Variants in MALRD1 observed in about 807,000 individuals in gnomAD.
MALRD1 encodes the protein MAM and LDL receptor class A domain containing 1, also known as MAM and LDL-receptor class A domain-containing protein 1.
Under a neutral mutation model 242.1 loss-of-function variants are expected in MALRD1, and 247 were observed. That is an observed-to-expected ratio of 1.02 (90% CI 0.92 to 1.13). The LOEUF is 1.13. MALRD1 is among the 50% of genes most tolerant of loss of function. MALRD1 has a pLI of 0.00. For synonymous variants in MALRD1, 995 were observed against 866.6 expected, an observed-to-expected ratio of 1.15 and a Z score of -2.60; for missense variants, 2,989 against 2,533.1, an observed-to-expected ratio of 1.18 and a Z score of -3.86.
chr10:19,546,866 A>T (rs1835229602), intron 32 of MALRD1, among the ~76,000 whole-genome samples: 1 of 152,140 alleles, frequency 6.6e-6, no homozygotes, highest in South Asian at 2.1e-4. Context: ...GAGTATAGGT[A>T]AGTGTGTGTT....
chr10:19,298,869 G>T (rs1841824846), intron 21 of MALRD1, among the ~76,000 whole-genome samples: 1 of 151,912 alleles, frequency 6.6e-6, no homozygotes, highest in Non-Finnish European at 1.5e-5. Flanking sequence ...TCTTCTTAGG[G>T]AGGAGATAAC....
intron 31 of MALRD1, among the ~76,000 whole-genome samples, chr10:19,518,551 C>G (rs1056808113): frequency 1.3e-5 from 2 of 152,064 alleles, no homozygotes; most frequent in African/African-American, 2.4e-5. Context: ...GATAACATCT[C>G]TATAATGACA....
intron 21 of MALRD1, among the ~76,000 whole-genome samples, chr10:19,302,799 A>G (rs1842009102): frequency 6.6e-6 from 1 of 151,580 alleles, no homozygotes; most frequent in Admixed American, 6.6e-5. Flanking sequence ...AAAAATAAAA[A>G]GGAGGTAAAT....
intron 28 of MALRD1, among the ~76,000 whole-genome samples, chr10:19,397,701 A>G (rs1424148339): frequency 6.6e-6 from 1 of 152,134 alleles, no homozygotes; most frequent in Non-Finnish European, 1.5e-5. Flanking sequence ...TAATCCCACT[A>G]ACAGTCTGCA....
At chr10:19,734,016 G>A in intron 39 of MALRD1, 141 bp from the exon 40 acceptor site, 2 of 618,376 alleles carry the variant, frequency 3.2e-6, no homozygotes, top group East Asian at 3.0e-5. Context: ...TGTAGGTGCT[G>A]GAAGAAGAGT....
In MALRD1 at chr10:19,209,370, T is replaced by C. The variant is rs1371823363; in HGVS notation, c.2681T>C (p.Leu894Pro). Residue 894 changes from leucine to proline, a missense_variant, in exon 18 of 40, where the codon CTT (leucine) becomes CCT (proline). Coordinates refer to ENST00000454679, the MANE Select transcript of MALRD1 (RefSeq NM_001142308.3). ...AGGAGCCAGGGTCCAACTCCAACAC[T>C]TAACACAGGGCCAATGAAAGATAAC... ...WTRSQGPTPT[L>P]NTGPMKDNTL... 11 of 1,550,812 alleles carry C rather than the reference T, an allele frequency of 7.1e-6. No homozygotes were observed. The Admixed American group carries it at 2.2e-4, about 30-fold the overall frequency.
chr10:19,054,900 C>T (rs1483012674), intron 1 of MALRD1, among the ~76,000 whole-genome samples: 1 of 152,158 alleles, frequency 6.6e-6, no homozygotes, highest in Non-Finnish European at 1.5e-5. Flanking sequence ...ATTTTCTCTT[C>T]TTCAGAAATA....
chr10:19,667,921 G>C (rs1044394544), intron 36 of MALRD1, among the ~76,000 whole-genome samples: 21 of 152,124 alleles, frequency 1.4e-4, no homozygotes, highest in Non-Finnish European at 2.9e-4. Context: ...GTTGCTGGCA[G>C]ATTCAGTGTC....
intron 36 of MALRD1, among the ~76,000 whole-genome samples, chr10:19,689,616 A>T (rs1210639866): frequency 6.6e-6 from 1 of 152,160 alleles, no homozygotes; most frequent in Non-Finnish European, 1.5e-5. Flanking sequence ...AAAGTCAACA[A>T]GATGAATATT....
intron 18 of MALRD1, among the ~76,000 whole-genome samples, chr10:19,217,961 T>C (rs1588712933): frequency 6.6e-6 from 1 of 152,176 alleles, no homozygotes; most frequent in Non-Finnish European, 1.5e-5. Flanking sequence ...TGAGTGGCTG[T>C]TTGACTGAAT....
At chr10:19,237,648 T>TA (rs1157061396) in intron 18 of MALRD1, among the ~76,000 whole-genome samples, 3 of 47,006 alleles carry the variant, frequency 6.4e-5, no homozygotes, top group African/African-American at 9.4e-5. Context: ...ATATAAATTA[T>TA]TATAATTATA....
chr10:19,378,985 A>T (rs1845724453), intron 26 of MALRD1, among the ~76,000 whole-genome samples: 1 of 152,178 alleles, frequency 6.6e-6, no homozygotes, highest in South Asian at 2.1e-4. Context: ...TCCATGTAAT[A>T]GTTGTAGGGC....
intron 18 of MALRD1, among the ~76,000 whole-genome samples, chr10:19,211,168 G>T (rs959561404): frequency 6.6e-6 from 1 of 152,084 alleles, no homozygotes; most frequent in African/African-American, 2.4e-5. Context: ...AATCAACTTT[G>T]CAGGGAAGCA....
chr10:19,174,000 A>G (rs1012338688), intron 13 of MALRD1, among the ~76,000 whole-genome samples: 1 of 152,208 alleles, frequency 6.6e-6, no homozygotes, highest in African/African-American at 2.4e-5. Flanking sequence ...TTAACATTTT[A>G]TGTGACATAG....
chr10:19,352,613 T>A (rs914625858), intron 26 of MALRD1, among the ~76,000 whole-genome samples: 1 of 152,162 alleles, frequency 6.6e-6, no homozygotes, highest in African/African-American at 2.4e-5. Context: ...TAAGCAAACA[T>A]CTATTCACTT....
At chr10:19,443,446 T>A (rs1834782759) in intron 28 of MALRD1, among the ~76,000 whole-genome samples, 1 of 152,212 alleles carries the variant, frequency 6.6e-6, no homozygotes, top group Non-Finnish European at 1.5e-5. Context: ...CTGCTTTCTC[T>A]TGTGGGCATT....
chr10:19,428,738 A>G (rs1331650730), intron 28 of MALRD1, among the ~76,000 whole-genome samples: 1 of 152,246 alleles, frequency 6.6e-6, no homozygotes, highest in African/African-American at 2.4e-5. Flanking sequence ...AACCGCAAGC[A>G]TACTGAAATG....
At chr10:19,513,871 G>T (rs1377457683) in intron 31 of MALRD1, among the ~76,000 whole-genome samples, 2 of 148,492 alleles carry the variant, frequency 1.3e-5, no homozygotes, top group Admixed American at 1.3e-4. Flanking sequence ...CATTTTCTTG[G>T]CATTCAATTA....
intron 31 of MALRD1, among the ~76,000 whole-genome samples, chr10:19,525,894 G>A (rs563958096): frequency 6.6e-6 from 1 of 152,252 alleles, no homozygotes; most frequent in Admixed American, 6.5e-5. Context: ...ATGGCAAGTA[G>A]TAAGCTGTAA....
Sources: allele counts gnomAD v4.1 joint callset (sites outside exome capture counted in the v4.1 genomes callset), GRCh38; gene constraint gnomAD v4.1.1; transcripts MANE v1.5; gene names NCBI Gene and HGNC (gene_info 2026-07-23, HGNC 2026-07-21).